The following FGF10 variants were observed in gnomAD, a reference collection of about 807,000 sequenced individuals.
FGF10 encodes the protein FGF-10.
FGF10 carries 2 observed loss-of-function variants against 19.8 expected under a neutral mutation model. The observed-to-expected ratio is 0.10, with a 90% CI of 0.04 to 0.32. FGF10 has a LOEUF of 0.32. Ranked by LOEUF, FGF10 falls within the 10% of genes least tolerant of loss-of-function variation. The pLI is 1.00. For synonymous variants in FGF10, 112 were observed against 94.0 expected, an observed-to-expected ratio of 1.19 and a Z score of -1.10; for missense variants, 191 against 246.3, an observed-to-expected ratio of 0.78 and a Z score of 1.50.
rs3059323 is a variant in FGF10, at chr5:44,300,259, T to TTC, written c.*4735_*4736insGA. Among the ~76,000 whole-genome samples, 49,965 of 151,752 alleles carry TTC rather than the reference T, an allele frequency of 0.33. 8,352 individuals are homozygous for TTC. The highest frequency in any genetic ancestry group is 0.47 in the Admixed American group (7,112 of 15,204). ...AAGACAAAGCAGGTTTTTTTCTGTT[T>TTC]TTTTTTTATTTTACACTTAAACAAT... On this transcript the variant is annotated 3_prime_UTR_variant, in exon 3 of 3. Transcript: ENST00000264664.
At chr5:44,315,826 C>A (rs373882586) in intron 1 of FGF10, among the ~76,000 whole-genome samples, 1 of 152,220 alleles carries the variant, frequency 6.6e-6, no homozygotes, top group Middle Eastern at 3.4e-3. Flanking sequence ...TTCACTAATA[C>A]CTCTGGGATT....
chr5:44,372,721 G>T (rs1418279523), intron 1 of FGF10, among the ~76,000 whole-genome samples: 1 of 152,170 alleles, frequency 6.6e-6, no homozygotes, highest in Non-Finnish European at 1.5e-5. Flanking sequence ...TTCCTAAAAT[G>T]CAATGGTAGA....
chr5:44,362,236 T>C (rs339506), intron 1 of FGF10, among the ~76,000 whole-genome samples: 151,248 of 151,782 alleles, frequency 1, 75,362 homozygotes, highest in Middle Eastern at 1. Flanking sequence ...ACTTTCCGTC[T>C]TCTATTCACA....
chr5:44,355,161 G>C (rs907339266), intron 1 of FGF10, among the ~76,000 whole-genome samples: 1 of 151,410 alleles, frequency 6.6e-6, no homozygotes, highest in South Asian at 2.1e-4. Flanking sequence ...TTGGAAAAAT[G>C]GGGTAGGAAA....
intron 1 of FGF10, among the ~76,000 whole-genome samples, chr5:44,376,504 A>AC (rs1741862706): frequency 6.9e-6 from 1 of 144,554 alleles, no homozygotes; most frequent in African/African-American, 2.5e-5. Context: ...AAAAAAAAAA[A>AC]AAAAAAAAAA....
At chr5:44,330,708 C>T (rs927740536) in intron 1 of FGF10, among the ~76,000 whole-genome samples, 2 of 152,086 alleles carry the variant, frequency 1.3e-5, no homozygotes, top group Non-Finnish European at 2.9e-5. Flanking sequence ...ATATTAAATG[C>T]TAGTGTTTTC....
intron 1 of FGF10, among the ~76,000 whole-genome samples, chr5:44,326,464 T>A (rs1740617134): frequency 1.3e-5 from 2 of 152,188 alleles, no homozygotes; most frequent in South Asian, 4.1e-4. Context: ...AGTTCCATGA[T>A]CATGGCTCAT....
intron 1 of FGF10, among the ~76,000 whole-genome samples, chr5:44,318,734 C>A (rs1026077760): frequency 6.6e-6 from 1 of 152,114 alleles, no homozygotes; most frequent in African/African-American, 2.4e-5. Context: ...TAGATTAGAT[C>A]TATTATGATA....
chr5:44,370,311 A>G (rs1483961845), intron 1 of FGF10, among the ~76,000 whole-genome samples: 1 of 152,140 alleles, frequency 6.6e-6, no homozygotes, highest in Non-Finnish European at 1.5e-5. Context: ...TATCTCTAAG[A>G]AAGTTTCAGA....
intron 1 of FGF10, among the ~76,000 whole-genome samples, chr5:44,329,106 T>G (rs1295727623): frequency 6.6e-6 from 1 of 152,180 alleles, no homozygotes. Context: ...ATAATGTAGA[T>G]TGTGCTCTTA....
intron 1 of FGF10, among the ~76,000 whole-genome samples, chr5:44,312,582 G>A (rs17228074): frequency 2.1e-3 from 315 of 152,178 alleles, no homozygotes; most frequent in African/African-American, 7.3e-3. Context: ...ATGCCATAGA[G>A]GATAACGTCT....
intron 1 of FGF10, among the ~76,000 whole-genome samples, chr5:44,327,475 C>T (rs1171280520): frequency 6.6e-6 from 1 of 152,032 alleles, no homozygotes; most frequent in Non-Finnish European, 1.5e-5. Flanking sequence ...AAAAAGAGTC[C>T]CTTAACCACA....
At chr5:44,318,690 C>A (rs1740413006) in intron 1 of FGF10, among the ~76,000 whole-genome samples, 1 of 152,084 alleles carries the variant, frequency 6.6e-6, no homozygotes, top group Non-Finnish European at 1.5e-5. Context: ...ATGTTAGAAA[C>A]ATGTTATGCA....
intron 1 of FGF10, among the ~76,000 whole-genome samples, chr5:44,339,238 T>C (rs1297669973): frequency 2.0e-5 from 3 of 152,194 alleles, no homozygotes; most frequent in African/African-American, 7.2e-5. Flanking sequence ...CTAAATGTTG[T>C]ACAAATATGA....
intron 1 of FGF10, among the ~76,000 whole-genome samples, chr5:44,385,319 A>G (rs1742073346): frequency 6.6e-6 from 1 of 152,158 alleles, no homozygotes; most frequent in Admixed American, 6.5e-5. Flanking sequence ...TAACGCATGT[A>G]GTCTTTTTAG....
chr5:44,330,359 G>A (rs1740703465), intron 1 of FGF10, among the ~76,000 whole-genome samples: 1 of 152,086 alleles, frequency 6.6e-6, no homozygotes, highest in African/African-American at 2.4e-5. Context: ...AAGTATAACA[G>A]GGATAGGAAG....
At chr5:44,363,597 T>C (rs973325948) in intron 1 of FGF10, among the ~76,000 whole-genome samples, 2 of 151,864 alleles carry the variant, frequency 1.3e-5, no homozygotes, top group African/African-American at 4.8e-5. Flanking sequence ...GATATGTTTG[T>C]TGAAGGGCAA....
intron 1 of FGF10, among the ~76,000 whole-genome samples, chr5:44,381,979 A>G (rs2111921123): frequency 6.6e-6 from 1 of 152,318 alleles, no homozygotes; most frequent in Non-Finnish European, 1.5e-5. Flanking sequence ...CAATGACATC[A>G]TTCTTTGCAG....
At chr5:44,349,737 C>T (rs1741192712) in intron 1 of FGF10, among the ~76,000 whole-genome samples, 1 of 150,596 alleles carries the variant, frequency 6.6e-6, no homozygotes, top group Non-Finnish European at 1.5e-5. Context: ...ATTTTGAATA[C>T]TCTTAGACCT....
Sources: allele counts gnomAD v4.1 joint callset (sites outside exome capture counted in the v4.1 genomes callset), GRCh38; gene constraint gnomAD v4.1.1; transcripts MANE v1.5; gene names NCBI Gene and HGNC (gene_info 2026-07-23, HGNC 2026-07-21).